The following DCHS2 variants were observed in gnomAD, a reference collection of about 807,000 sequenced individuals.
DCHS2 encodes the protein dachsous cadherin-related 2.
In DCHS2, 142 loss-of-function variants were observed where a neutral mutation model predicts 182.4. The ratio of observed to expected loss-of-function variants is 0.78; its 90% CI spans 0.68 to 0.89. DCHS2 has a LOEUF of 0.89. Among genes scored for constraint, DCHS2 ranks in the 40% least tolerant of loss-of-function variants. DCHS2 has a pLI of 0.00. For synonymous variants in DCHS2, 1,740 were observed against 1,663.3 expected (o/e 1.05, Z -1.12); for missense variants, 4,319 against 4,198.6 (o/e 1.03, Z -0.79).
intron 2 of DCHS2, among the ~76,000 whole-genome samples, chr4:154,370,961 A>T (rs1561072936): frequency 6.6e-6 from 1 of 152,196 alleles, no homozygotes; most frequent in Non-Finnish European, 1.5e-5. Flanking sequence ...GCTACAGTAA[A>T]TTAGACAGAA....
chr4:154,252,466 C>A (rs1203254133), intron 16 of DCHS2, among the ~76,000 whole-genome samples: 2 of 151,882 alleles, frequency 1.3e-5, no homozygotes, highest in Non-Finnish European at 2.9e-5. Flanking sequence ...TTAACCATTC[C>A]CACTTGCCCT....
intron 1 of DCHS2, among the ~76,000 whole-genome samples, chr4:154,469,380 C>G (rs1277382851): frequency 6.6e-6 from 1 of 151,962 alleles, no homozygotes; most frequent in African/African-American, 2.4e-5. Flanking sequence ...TTTGAACTTC[C>G]TAGAGGTCAT....
chr4:154,311,057 T>G (rs1735653328), intron 10 of DCHS2, among the ~76,000 whole-genome samples: 1 of 152,080 alleles, frequency 6.6e-6, no homozygotes. Flanking sequence ...AAGGAAAAAG[T>G]TTTCCAGAAT....
intron 1 of DCHS2, among the ~76,000 whole-genome samples, chr4:154,468,809 A>G (rs1390896912): frequency 6.6e-6 from 1 of 152,154 alleles, no homozygotes; most frequent in Non-Finnish European, 1.5e-5. Context: ...TTAAAATACC[A>G]AATATTTATT....
chr4:154,476,364 G>A (rs1323396604), intron 1 of DCHS2, among the ~76,000 whole-genome samples: 1 of 152,126 alleles, frequency 6.6e-6, no homozygotes, highest in Non-Finnish European at 1.5e-5. Context: ...CACAGACAAA[G>A]ATCATGTTTT....
At position 154,490,030 on chromosome 4, in the gene DCHS2, A is replaced by C. The variant is rs1728741980; in HGVS notation, c.1326T>G (p.Ser442=). The C allele has an allele frequency of 6.5e-7, 1 of 1,547,462 alleles. No homozygotes were observed. Among genetic ancestry groups the C allele is most frequent in the East Asian group, 2.4e-5 (1 of 40,868 alleles). ...PGDYVARVSV[S]DADGDWEKED... is the part of the protein sequence containing the mutation. ...CCTTCTCCCAGTCACCGTCCGCGTC[A>C]GACACCGAGACGCGAGCCACGTAGT... is the stretch of plus-strand genomic sequence containing the variant. Residue 442 remains serine, a synonymous_variant, in exon 1 of 20, where the codon TCT becomes TCG. Coordinates refer to ENST00000357232, the MANE Select transcript of DCHS2 (RefSeq NM_001358235.2).
intron 5 of DCHS2, among the ~76,000 whole-genome samples, chr4:154,332,228 T>C (rs989099850): frequency 6.6e-6 from 1 of 152,204 alleles, no homozygotes; most frequent in Non-Finnish European, 1.5e-5. Context: ...AGGGAAAGTA[T>C]GAATTATTAT....
rs1256301808 is a variant in DCHS2, at chr4:154,242,697, A to G, written c.7017T>C (p.Asp2339=). 2.5e-6 allele frequency: 4 copies of G among 1,613,246 alleles called. No homozygotes were observed. Among genetic ancestry groups the G allele is most frequent in the Non-Finnish European group, 3.4e-6 (4 of 1,179,446 alleles). Residue 2339 remains aspartate (D), a synonymous_variant, in exon 17 of 20, where the codon GAT becomes GAC. Transcript: ENST00000357232. ...GAAAAGCTGGGGCATTGTCATTTAT[A>G]TCAGTCACCTGTACCTTGATTACAG... ...NTTVIKVQVT[D]INDNAPAFLP... is the part of the protein sequence containing the mutation.
At position 154,259,702 on chromosome 4, in the gene DCHS2, A is replaced by C. The variant is rs765360323; in HGVS notation, c.6632T>G (p.Val2211Gly). 60 of 1,613,922 alleles carry C rather than the reference A, an allele frequency of 3.7e-5. No homozygotes were observed. The highest frequency in any genetic ancestry group is 4.9e-5 in the Non-Finnish European group (58 of 1,179,988). The change falls in exon 15 of 20, where the codon GTT (valine) becomes GGT (glycine). Residue 2211 changes from valine (V) to glycine (G), a missense_variant. Coordinates refer to ENST00000357232, the MANE Select transcript of DCHS2 (RefSeq NM_001358235.2). ...KFLDFEVRNEVQLIVLAESSG... is the reference protein window; with the variant it reads ...KFLDFEVRNEGQLIVLAESSG... ...ACTTTCAGCTAAAACGATGAGTTGA[A>C]CCTCATTTCTGACTTCAAAATCAAG...
chr4:154,362,668 C>A (rs983200245), intron 3 of DCHS2, among the ~76,000 whole-genome samples: 1 of 152,078 alleles, frequency 6.6e-6, no homozygotes, highest in African/African-American at 2.4e-5. Flanking sequence ...ACAAGTATGC[C>A]TGCCTCTCCT....
intron 3 of DCHS2, among the ~76,000 whole-genome samples, chr4:154,344,462 A>G (rs1206735924): frequency 3.3e-5 from 5 of 152,198 alleles, no homozygotes; most frequent in African/African-American, 7.2e-5. Flanking sequence ...CACTTCCTTC[A>G]TTTCTTGAAT....
At chr4:154,459,699 C>G (rs1734925608) in intron 1 of DCHS2, among the ~76,000 whole-genome samples, 1 of 151,408 alleles carries the variant, frequency 6.6e-6, no homozygotes, top group African/African-American at 2.4e-5. Flanking sequence ...CAAGATGTGG[C>G]AGTCCTTTTC....
intron 17 of DCHS2, 122 bp downstream of exon 17, chr4:154,242,520 T>G: frequency 1.5e-6 from 2 of 1,341,134 alleles, no homozygotes; most frequent in Non-Finnish European, 1.9e-6. Context: ...AAGACAAAAA[T>G]GATCTAGTTT....
intron 4 of DCHS2, 147 bp from the exon 5 acceptor site, chr4:154,333,641 T>G (rs531940209): frequency 2.6e-6 from 2 of 778,128 alleles, no homozygotes; most frequent in African/African-American, 3.5e-5. Flanking sequence ...TTCCGTAAGA[T>G]TCTGACACCG....
At position 154,491,786 on chromosome 4, in the gene DCHS2, G is replaced by T; in HGVS notation, c.-431C>A. 1.0e-6 allele frequency: 1 copy of T among 990,328 alleles called. No homozygotes were observed. The highest frequency in any genetic ancestry group is 1.2e-6 in the Non-Finnish European group (1 of 833,586). 61.3% of individuals were successfully genotyped at this position (990,328 alleles called of 1,614,324 possible). ...AGGAGAGGATGGGGATCTGGCCGGA[G>T]TAGGGGGTGGAGTAAGGGCGTGGAG... On this transcript the variant is annotated 5_prime_UTR_variant, in exon 1 of 20. Coordinates refer to ENST00000357232, the MANE Select transcript of DCHS2 (RefSeq NM_001358235.2).
At chr4:154,345,533 G>A (rs182487667) in intron 3 of DCHS2, among the ~76,000 whole-genome samples, 139 of 152,286 alleles carry the variant, frequency 9.1e-4, no homozygotes, top group South Asian at 2.1e-3. Context: ...TGCATGCTGG[G>A]CAGACAAAAA....
chr4:154,303,562 A>G (rs1048096364), intron 12 of DCHS2, among the ~76,000 whole-genome samples: 1 of 151,494 alleles, frequency 6.6e-6, no homozygotes, highest in African/African-American at 2.4e-5. Flanking sequence ...GGGGAGGTAG[A>G]AAGGGGGTGA....
At chr4:154,256,368 CA>C (rs1732666726) in intron 15 of DCHS2, among the ~76,000 whole-genome samples, 1 of 152,042 alleles carries the variant, frequency 6.6e-6, no homozygotes, top group East Asian at 1.9e-4. Flanking sequence ...CTCCTGGGCT[CA>C]AGCGATCCAC....
At chr4:154,297,793 C>T in intron 13 of DCHS2, 58 bp downstream of exon 13, 2 of 1,549,286 alleles carry the variant, frequency 1.3e-6, no homozygotes, top group Admixed American at 2.0e-5. Context: ...ATAATCCGTA[C>T]TCTTAAGCAT....
Sources: allele counts gnomAD v4.1 joint callset (sites outside exome capture counted in the v4.1 genomes callset), GRCh38; gene constraint gnomAD v4.1.1; transcripts MANE v1.5; gene names NCBI Gene and HGNC (gene_info 2026-07-23, HGNC 2026-07-21).